DCC: variants seen among roughly 807,000 people sequenced by gnomAD.
DCC encodes netrin receptor DCC.
DCC carries 58 observed loss-of-function variants against 172.5 expected under a neutral mutation model. The ratio of observed to expected loss-of-function variants is 0.34; its 90% CI spans 0.27 to 0.42. DCC has a LOEUF of 0.42. DCC is among the 10% of genes least tolerant of loss of function. DCC has a pLI of 1.00. For synonymous variants in DCC, 709 were observed against 644.5 expected, an observed-to-expected ratio of 1.10 and a Z score of -1.52; for missense variants, 1,740 against 1,791.0, an observed-to-expected ratio of 0.97 and a Z score of 0.51.
At chr18:53,165,426 T>C (rs942754495) in intron 8 of DCC, among the ~76,000 whole-genome samples, 1 of 152,144 alleles carries the variant, frequency 6.6e-6, no homozygotes, top group Admixed American at 6.5e-5. Flanking sequence ...CTCTTCAGAG[T>C]TGAGGACTCT....
chr18:52,932,176 G>T (rs2040316215), intron 5 of DCC, among the ~76,000 whole-genome samples: 1 of 152,102 alleles, frequency 6.6e-6, no homozygotes, highest in African/African-American at 2.4e-5. Context: ...TTTTATAAAA[G>T]AAGTCAAAAG....
At chr18:52,831,185 C>T (rs772176033) in intron 2 of DCC, among the ~76,000 whole-genome samples, 3 of 152,020 alleles carry the variant, frequency 2.0e-5, no homozygotes, top group Non-Finnish European at 2.9e-5. Context: ...ATAAACATGA[C>T]GGTCATTTTC....
chr18:52,965,137 A>G (rs2040908631), intron 5 of DCC: 1 of 152,170 alleles, frequency 6.6e-6, no homozygotes, highest in Non-Finnish European at 1.5e-5. Context: ...GTAAGGTAAT[A>G]TATGTGCAGA....
chr18:52,988,192 T>G (rs1240707420), intron 5 of DCC, among the ~76,000 whole-genome samples: 1 of 152,140 alleles, frequency 6.6e-6, no homozygotes, highest in African/African-American at 2.4e-5. Flanking sequence ...TTTTAGCAAA[T>G]TAGCTTGCCA....
At chr18:52,961,036 C>T (rs141690016) in intron 5 of DCC, among the ~76,000 whole-genome samples, 13 of 152,126 alleles carry the variant, frequency 8.5e-5, no homozygotes, top group South Asian at 2.1e-4. Context: ...GGGAACTTAA[C>T]GATTTTTAAA....
At chr18:52,916,840 C>A (rs2145472225) in intron 3 of DCC, among the ~76,000 whole-genome samples, 1 of 152,144 alleles carries the variant, frequency 6.6e-6, no homozygotes, top group Admixed American at 6.5e-5. Context: ...CATAACAGAA[C>A]AATGTCAATG....
chr18:52,982,623 G>A (rs1371062618), intron 5 of DCC, among the ~76,000 whole-genome samples: 1 of 152,144 alleles, frequency 6.6e-6, no homozygotes, highest in Middle Eastern at 3.4e-3. Flanking sequence ...GATGCCACTA[G>A]CATCCTCCTT....
chr18:52,824,069 A>T (rs116755092), intron 2 of DCC, among the ~76,000 whole-genome samples: 2 of 152,188 alleles, frequency 1.3e-5, no homozygotes. Context: ...TTGCAACTCC[A>T]TGGCCAGTTG....
At chr18:53,328,709 A>G (rs2057496005) in intron 14 of DCC, among the ~76,000 whole-genome samples, 1 of 151,876 alleles carries the variant, frequency 6.6e-6, no homozygotes, top group Non-Finnish European at 1.5e-5. Flanking sequence ...TAATTTTTGT[A>G]TTTTTAGTAG....
intron 5 of DCC, among the ~76,000 whole-genome samples, chr18:52,931,122 T>A (rs2040301356): frequency 6.6e-6 from 1 of 152,042 alleles, no homozygotes; most frequent in South Asian, 2.1e-4. Context: ...CTTCAGGATT[T>A]GGTTGATATG....
chr18:52,928,868 A>G (rs2040258920), intron 5 of DCC, among the ~76,000 whole-genome samples: 1 of 152,144 alleles, frequency 6.6e-6, no homozygotes, highest in African/African-American at 2.4e-5. Context: ...GGCAGTGTCT[A>G]TATTGGCAGG....
chr18:53,320,052 C>G (rs2057390292), intron 13 of DCC, among the ~76,000 whole-genome samples: 1 of 146,144 alleles, frequency 6.8e-6, no homozygotes, highest in South Asian at 2.2e-4. Context: ...AGTTAAACTT[C>G]TACATAACGC....
intron 7 of DCC, among the ~76,000 whole-genome samples, chr18:53,096,444 T>C (rs2043089328): frequency 6.6e-6 from 1 of 152,164 alleles, no homozygotes; most frequent in South Asian, 2.1e-4. Context: ...TGGTCAGATC[T>C]CTAGTTGAGT....
chr18:53,217,164 G>T (rs1046621201), intron 12 of DCC, among the ~76,000 whole-genome samples: 6 of 151,654 alleles, frequency 4.0e-5, no homozygotes, highest in African/African-American at 1.5e-4. Context: ...ACGTGTATAG[G>T]GCATTACTGA....
chr18:52,424,511 A>G (rs1987357923), intron 1 of DCC, among the ~76,000 whole-genome samples: 1 of 152,174 alleles, frequency 6.6e-6, no homozygotes, highest in Non-Finnish European at 1.5e-5. Flanking sequence ...CTTTTATCAA[A>G]TAAGTAGGGC....
At chr18:52,607,244 G>T (rs1230725904) in intron 1 of DCC, among the ~76,000 whole-genome samples, 1 of 152,034 alleles carries the variant, frequency 6.6e-6, no homozygotes, top group East Asian at 1.9e-4. Context: ...CCTCAGACTG[G>T]ATATGGCATC....
At chr18:53,246,064 C>T (rs896098978) in intron 12 of DCC, among the ~76,000 whole-genome samples, 15 of 152,102 alleles carry the variant, frequency 9.9e-5, no homozygotes, top group African/African-American at 3.4e-4. Context: ...GAATAGTTCT[C>T]CCTGAGACTT....
intron 12 of DCC, among the ~76,000 whole-genome samples, chr18:53,264,255 G>A (rs972531965): frequency 2.6e-5 from 4 of 152,042 alleles, no homozygotes; most frequent in East Asian, 1.9e-4. Flanking sequence ...TTGGGAGGCC[G>A]AGGCAGGCAG....
chr18:53,268,893 C>T (rs982597546), intron 12 of DCC, among the ~76,000 whole-genome samples: 1 of 152,148 alleles, frequency 6.6e-6, no homozygotes, highest in African/African-American at 2.4e-5. Context: ...GGAACTAGGG[C>T]TGCAAAGACC....
Sources: allele counts gnomAD v4.1 joint callset (sites outside exome capture counted in the v4.1 genomes callset), GRCh38; gene constraint gnomAD v4.1.1; transcripts MANE v1.5; gene names NCBI Gene and HGNC (gene_info 2026-07-23, HGNC 2026-07-21).